The following CEP295 variants were observed in gnomAD, a reference collection of about 807,000 sequenced individuals.
CEP295 encodes centrosomal protein 295.
Under a neutral mutation model 291.6 loss-of-function variants are expected in CEP295, and 190 were observed. The ratio of observed to expected loss-of-function variants is 0.65; its 90% CI spans 0.58 to 0.73. The LOEUF is 0.73. Among genes scored for constraint, CEP295 ranks in the 30% least tolerant of loss-of-function variants. The probability of loss-of-function intolerance (pLI) is 0.00; values close to 1 mark genes in which losing one functional copy is unlikely to be tolerated. For synonymous variants in CEP295, 993 were observed against 1,038.8 expected, an observed-to-expected ratio of 0.96 and a Z score of 0.85; for missense variants, 2,863 against 2,949.4, an observed-to-expected ratio of 0.97 and a Z score of 0.68.
intron 5 of CEP295, among the ~76,000 whole-genome samples, chr11:93,673,987 C>G (rs1251622648): frequency 6.6e-6 from 1 of 150,558 alleles, no homozygotes; most frequent in Non-Finnish European, 1.5e-5. Flanking sequence ...GATTCTTGCT[C>G]TGTCGCCCAG....
Position 93,729,870 on chromosome 11 carries a change from G to A in CEP295, c.7568G>A (p.Ser2523Asn), listed in dbSNP as rs1329290096. The change falls in exon 28 of 30, where the codon AGT (serine) becomes AAT (asparagine). Residue 2523 changes from serine to asparagine, a missense_variant and splice_region_variant. Ser to Asn is a conservative substitution (Grantham distance 46). Coordinates refer to ENST00000325212, the MANE Select transcript of CEP295 (RefSeq NM_033395.2). ...IKTVKEKPSISSSVSRLKGVN... is the reference protein window; with the variant it reads ...IKTVKEKPSINSSVSRLKGVN... The stretch of plus-strand genomic sequence containing the variant: ...CTTGATTTCACTTTTCTTTCCTCAG[G>A]TTCATCTGTGAGTCGTCTAAAGGGC... 1 of 1,543,766 alleles carries A rather than the reference G, an allele frequency of 6.5e-7. No homozygotes were observed. Among genetic ancestry groups the A allele is most frequent in the Non-Finnish European group, 8.7e-7 (1 of 1,144,942 alleles).
rs370773633 is a variant in CEP295, at chr11:93,683,614, G to A, written c.821G>A (p.Arg274His). The A allele has an allele frequency of 2.5e-5, 39 of 1,546,138 alleles. No homozygotes were observed. The highest frequency in any genetic ancestry group is 1.7e-4 in the Middle Eastern group (1 of 6,000). Reference sequence around the variant, plus strand: ...CAGCTACAGCAAGAGGACCTGGCACGTAGGAGACAGACTGTAGCACAAATG... The same window carrying A: ...CAGCTACAGCAAGAGGACCTGGCACATAGGAGACAGACTGTAGCACAAATG... ...LKQLQQEDLARRRQTVAQMPP... is the reference protein window; with the variant it reads ...LKQLQQEDLAHRRQTVAQMPP... The change falls in exon 8 of 30, where the codon CGT becomes CAT. Residue 274 changes from arginine (R) to histidine (H), a missense_variant. This residue lies in a region of CEP295 where 554 missense variants were observed against 576.0 expected (regional missense o/e 0.96). Coordinates refer to ENST00000325212, the MANE Select transcript of CEP295 (RefSeq NM_033395.2).
intron 1 of CEP295, among the ~76,000 whole-genome samples, chr11:93,662,850 GA>G (rs906879921): frequency 6.6e-6 from 1 of 152,170 alleles, no homozygotes; most frequent in Non-Finnish European, 1.5e-5. Flanking sequence ...AAACCTGGTG[GA>G]CATCATCTTA....
At chr11:93,684,218 T>C in intron 9 of CEP295, 90 bp downstream of exon 9, 1 of 1,097,034 alleles carries the variant, frequency 9.1e-7, no homozygotes, top group Non-Finnish European at 1.3e-6. Flanking sequence ...TCTGGTCTGA[T>C]ATAAGTGCAA....
Position 93,696,908 on chromosome 11 carries a change from A to G in CEP295, c.1996A>G (p.Thr666Ala). 6.4e-7 allele frequency: 1 copy of G among 1,551,976 alleles called. No individual in the cohort carries two copies. The stretch of plus-strand genomic sequence containing the variant: ...ATACCAACCCATACAACCTATACAG[A>G]CCTCCAAATTAGAACAAGATCATTT... ...NKYQPIQPIQTSKLEQDHFQV... is the reference protein window; with the variant it reads ...NKYQPIQPIQASKLEQDHFQV... The change falls in exon 15 of 30, where the codon ACC becomes GCC. Residue 666 changes from threonine (T) to alanine (A), a missense_variant. Coordinates refer to ENST00000325212, the MANE Select transcript of CEP295 (RefSeq NM_033395.2).
intron 1 of CEP295, among the ~76,000 whole-genome samples, chr11:93,663,868 G>A (rs1445173259): frequency 6.6e-6 from 1 of 151,892 alleles, no homozygotes; most frequent in Admixed American, 6.6e-5. Flanking sequence ...ACAAATCTAG[G>A]TATACCATTT....
In CEP295 at chr11:93,721,428, A is replaced by G. The variant is rs778410264; in HGVS notation, c.5850+16A>G. On this transcript the variant is annotated intron_variant, in intron 19 of 29. Transcript: ENST00000325212. The stretch of plus-strand genomic sequence containing the variant: ...AGATGATAAGGTTAGTAATGTCTTA[A>G]TGTTCACTCGATTTTTAGAGCTGTT... The G allele has an allele frequency of 1.8e-5, 27 of 1,463,894 alleles. No homozygotes were observed. The highest frequency in any genetic ancestry group is 2.6e-5 in the Non-Finnish European group (27 of 1,043,220). 90.7% of individuals were successfully genotyped at this position (1,463,894 alleles called of 1,614,324 possible).
intron 15 of CEP295, among the ~76,000 whole-genome samples, chr11:93,702,184 C>G (rs1952208259): frequency 6.6e-6 from 1 of 152,066 alleles, no homozygotes; most frequent in Non-Finnish European, 1.5e-5. Flanking sequence ...GTCTTGAACT[C>G]CTGACTTCAG....
At position 93,724,093 on chromosome 11, in the gene CEP295, C is replaced by T; in HGVS notation, c.6197-161C>T. The stretch of plus-strand genomic sequence containing the variant: ...ATAGGACTTAACTTTAAAGCATCTG[C>T]TGATCATGGGGGAAAAACTGAAGTT... On this transcript the variant is annotated intron_variant, in intron 21 of 29. Transcript: ENST00000325212. 3 of 616,514 alleles carry T rather than the reference C, an allele frequency of 4.9e-6. No homozygotes were observed. In the South Asian group the frequency reaches 6.7e-5, roughly 14 times the overall value. The allele number at this position is 616,514 out of a possible 1,614,324, so 38.2% of individuals were successfully genotyped here. A position where few individuals can be genotyped will look rare whatever the true frequency, so the allele number is the denominator to read the frequency against.
At chr11:93,675,252 T>C (rs2134869419) in intron 5 of CEP295, among the ~76,000 whole-genome samples, 1 of 152,308 alleles carries the variant, frequency 6.6e-6, no homozygotes, top group East Asian at 1.9e-4. Context: ...TTCATTTCAT[T>C]TGATATGGCC....
rs938114041 is a variant in CEP295 at position 93,729,979 on chromosome 11, A to T, written c.7667+10A>T. On this transcript the variant is annotated intron_variant, in intron 28 of 29. Transcript: ENST00000325212. ...ACCAAAGGGGTCTAAGGTAGGGTTA[A>T]TTTTTTTTTTTTTTTTAGTGATTCA... 2.2e-5 allele frequency: 30 copies of T among 1,390,208 alleles called. No individual in the cohort carries two copies. In the East Asian group the frequency reaches 3.0e-4, roughly 14 times the overall value. The allele number at this position is 1,390,208 out of a possible 1,614,324, so 86.1% of individuals were successfully genotyped here.
Position 93,720,381 on chromosome 11 carries a change from G to C in CEP295, c.5750-931G>C, listed in dbSNP as rs7129028. Among the ~76,000 whole-genome samples the C allele has an allele frequency of 8.1e-3, 1,202 of 148,296 alleles. 19 individuals carry two copies. The highest frequency in any genetic ancestry group is 0.057 in the East Asian group (272 of 4,742). On this transcript the variant is annotated intron_variant, in intron 18 of 29. Coordinates refer to ENST00000325212, the MANE Select transcript of CEP295 (RefSeq NM_033395.2). The stretch of plus-strand genomic sequence containing the variant: ...CCAGCTACTCAGGAGGCTGAGGCAG[G>C]GAGAATTGCCTGAACCTGGGAGGTG...
rs1199178183 is a variant in CEP295 at position 93,725,835 on chromosome 11, T to A, written c.6499+4T>A. ...GCTACAGAAAATATTATTGGGGGTA[T>A]GTATGACTAAGTTAGAAAAAGTTAA... is the stretch of plus-strand genomic sequence containing the variant. On this transcript the variant is annotated splice_donor_region_variant and intron_variant, in intron 23 of 29. Transcript: ENST00000325212. 1.9e-6 allele frequency: 3 copies of A among 1,548,390 alleles called. No homozygotes were observed. Among genetic ancestry groups the A allele is most frequent in the Non-Finnish European group, 2.6e-6 (3 of 1,145,864 alleles).
Position 93,685,200 on chromosome 11 carries a change from A to G in CEP295, c.1114+1072A>G, listed in dbSNP as rs75834894. 3.2e-3 allele frequency among the ~76,000 whole-genome samples: 481 copies of G among 152,236 alleles called. 3 individuals carry two copies. The highest frequency in any genetic ancestry group is 0.011 in the African/African-American group (452 of 41,530). On this transcript the variant is annotated intron_variant, in intron 9 of 29. Transcript: ENST00000325212. ...CAAGTCCTCTTCATGGAATTCAGCT[A>G]TTTTTGCCCCGTATCTACTGGTATT...
In CEP295 at chr11:93,698,369, C is replaced by T; in HGVS notation, c.3457C>T (p.Pro1153Ser). Residue 1153 changes from proline (P) to serine (S), a missense_variant, in exon 15 of 30, where the codon CCA (proline) becomes TCA (serine). By Grantham distance (74) the Pro-to-Ser change is moderately conservative (BLOSUM62 -1). Coordinates refer to ENST00000325212, the MANE Select transcript of CEP295 (RefSeq NM_033395.2). ...PTFQDKSLSFPQHSLAQQENL... is the reference protein window; with the variant it reads ...PTFQDKSLSFSQHSLAQQENL... Reference sequence around the variant, plus strand: ...ATTTCAGGATAAGTCTCTTAGTTTTCCACAGCATAGCCTGGCACAGCAAGA... The same window carrying T: ...ATTTCAGGATAAGTCTCTTAGTTTTTCACAGCATAGCCTGGCACAGCAAGA... The T allele has an allele frequency of 6.4e-7, 1 of 1,552,182 alleles. No homozygotes were observed. Among genetic ancestry groups the T allele is most frequent in the Non-Finnish European group, 8.7e-7 (1 of 1,147,106 alleles).
At chr11:93,682,415 G>A (rs1951019120) in intron 7 of CEP295, among the ~76,000 whole-genome samples, 1 of 152,084 alleles carries the variant, frequency 6.6e-6, no homozygotes, top group Non-Finnish European at 1.5e-5. Flanking sequence ...GTAGAGACGG[G>A]ATTTCGCCAT....
chr11:93,727,313 G>C lies in CEP295; in HGVS notation c.6837G>C (p.Met2279Ile). ...AACTAGAAAGCAGAAAGGAAAGTAT[G>C]GGCTTTGAAGAACTATCAAAAAGAG... ...KHQLESRKESMGFEELSKRGV... is the reference protein window; with the variant it reads ...KHQLESRKESIGFEELSKRGV... Residue 2279 changes from methionine to isoleucine, a missense_variant, in exon 24 of 30, where the codon ATG becomes ATC. Around this residue, in one of 3 missense-constraint regions of CEP295, gnomAD observed 2,295 missense variants for 2,335.7 expected, o/e 0.98. Transcript: ENST00000325212. 5.2e-6 allele frequency: 8 copies of C among 1,551,528 alleles called. No individual in the cohort carries two copies. Among genetic ancestry groups the C allele is most frequent in the Non-Finnish European group, 7.0e-6 (8 of 1,146,888 alleles).
chr11:93,668,841 G>A lies in CEP295; in HGVS notation c.343G>A (p.Ala115Thr). 6.6e-7 allele frequency: 1 copy of A among 1,526,286 alleles called. No individual in the cohort carries two copies. Among genetic ancestry groups the A allele is most frequent in the Non-Finnish European group, 8.8e-7 (1 of 1,134,800 alleles). 94.5% of individuals were successfully genotyped at this position (1,526,286 alleles called of 1,614,324 possible). A position where few individuals can be genotyped will look rare whatever the true frequency, so the allele number is the denominator to read the frequency against. ...TTTGGATGCTTTGGCACAGCGGGCA[G>A]CAGAAAGGAAAAGAAAAGCAGATTT... ...PDLDALAQRA[A>T]ERKRKADLRH... is the part of the protein sequence containing the mutation. The change falls in exon 4 of 30, where the codon GCA becomes ACA. Residue 115 changes from alanine to threonine, a missense_variant. Transcript: ENST00000325212.
chr11:93,686,454 C>A (rs749323661), intron 9 of CEP295, among the ~76,000 whole-genome samples: 11 of 152,134 alleles, frequency 7.2e-5, no homozygotes, highest in Non-Finnish European at 1.5e-4. Flanking sequence ...TCCTGCTGAT[C>A]TCATTTGGTC....
Sources: allele counts gnomAD v4.1 joint callset (sites outside exome capture counted in the v4.1 genomes callset), GRCh38; gene constraint gnomAD v4.1.1; regional missense constraint gnomAD v4.1.1; transcripts MANE v1.5; gene names NCBI Gene and HGNC (gene_info 2026-07-23, HGNC 2026-07-21).